Variants in EVI5 observed in about 807,000 individuals in gnomAD.
EVI5 encodes ecotropic viral integration site 5 protein homolog.
A neutral mutation model predicts 112.0 loss-of-function variants in EVI5; 73 were observed. That is an observed-to-expected ratio of 0.65 (90% confidence interval 0.54 to 0.79). The LOEUF (loss-of-function observed/expected upper bound fraction) is 0.79. Among genes scored for constraint, EVI5 ranks in the 30% least tolerant of loss-of-function variants. The probability of loss-of-function intolerance (pLI) is 0.00; values close to 1 mark genes in which losing one functional copy is unlikely to be tolerated. For synonymous variants in EVI5, 305 were observed against 319.9 expected, an observed-to-expected ratio of 0.95 and a Z score of 0.50; for missense variants, 900 against 968.8, an observed-to-expected ratio of 0.93 and a Z score of 0.94.
Position 92,563,745 on chromosome 1 carries a change from G to C in EVI5, c.2071-8C>G. ...AAGCTTTCCTTCTTCTTTCTGTTTTGTGACAAAACAACAAAGCAAAAACAA... is the reference window on the plus strand; with the variant it reads ...AAGCTTTCCTTCTTCTTTCTGTTTTCTGACAAAACAACAAAGCAAAAACAA... On this transcript the variant is annotated splice_region_variant and splice_polypyrimidine_tract_variant and intron_variant, in intron 18 of 19. Coordinates refer to ENST00000684568, the MANE Select transcript of EVI5 (RefSeq NM_001350197.2). 1 of 1,582,564 alleles carries C rather than the reference G, an allele frequency of 6.3e-7. No individual in the cohort carries two copies. Among genetic ancestry groups the C allele is most frequent in the Non-Finnish European group, 8.6e-7 (1 of 1,156,336 alleles).
At position 92,607,661 on chromosome 1, in the gene EVI5, G is replaced by T; in HGVS notation, c.1894C>A (p.Gln632Lys). The change falls in exon 17 of 20, where the codon CAG (glutamine) becomes AAG (lysine). Residue 632 changes from glutamine to lysine, a missense_variant. Physicochemically the swap from Gln to Lys is moderately conservative, Grantham distance 53. Coordinates refer to ENST00000684568, the MANE Select transcript of EVI5 (RefSeq NM_001350197.2). ...CCTTTGTTCTGTGCAGAAAGATACT[G>T]CACTTTCTCCTGTAGGCTAATCACC... ...QEVISLQEKV[Q>K]YLSAQNKGLL... 1 of 1,604,876 alleles carries T rather than the reference G, an allele frequency of 6.2e-7. No individual in the cohort carries two copies. Among genetic ancestry groups the T allele is most frequent in the Non-Finnish European group, 8.5e-7 (1 of 1,174,754 alleles).
At chr1:92,698,375 T>C (rs1570427182) in intron 5 of EVI5, among the ~76,000 whole-genome samples, 1 of 152,080 alleles carries the variant, frequency 6.6e-6, no homozygotes. Context: ...TCAACTAATA[T>C]ATATGTCAGA....
At chr1:92,698,899 G>T (rs955626745) in intron 5 of EVI5, among the ~76,000 whole-genome samples, 1 of 152,168 alleles carries the variant, frequency 6.6e-6, no homozygotes, top group African/African-American at 2.4e-5. Context: ...GAATGTGAAA[G>T]CTCTGTAAAG....
chr1:92,661,063 A>G (rs545385964), intron 13 of EVI5, among the ~76,000 whole-genome samples: 2 of 152,154 alleles, frequency 1.3e-5, no homozygotes, highest in African/African-American at 2.4e-5. Flanking sequence ...ACAAGATCAC[A>G]TAGTTGGCAA....
intron 19 of EVI5, among the ~76,000 whole-genome samples, chr1:92,550,806 A>ATATATATATATG (rs1666765168): frequency 9.0e-6 from 1 of 110,794 alleles, no homozygotes; most frequent in Admixed American, 9.7e-5. Flanking sequence ...ATATATATAT[A>ATATATATATATG]TATATATAAC....
chr1:92,733,681 G>A (rs925526528), intron 2 of EVI5, among the ~76,000 whole-genome samples: 1 of 151,842 alleles, frequency 6.6e-6, no homozygotes, highest in Non-Finnish European at 1.5e-5. Context: ...CAAAGTACTG[G>A]GATTACAGGC....
chr1:92,745,602 T>A (rs909355740), intron 1 of EVI5, among the ~76,000 whole-genome samples: 2 of 152,010 alleles, frequency 1.3e-5, no homozygotes, highest in Admixed American at 6.6e-5. Context: ...TCACTTGAGA[T>A]CAAGAATTCA....
intron 18 of EVI5, among the ~76,000 whole-genome samples, chr1:92,602,859 A>G (rs1345891472): frequency 6.6e-6 from 1 of 152,208 alleles, no homozygotes; most frequent in Non-Finnish European, 1.5e-5. Context: ...ACGTTGATTC[A>G]GCAAAATTAA....
Position 92,663,451 on chromosome 1 carries a change from T to TC in EVI5, c.1213dup (p.Glu405GlyfsTer8). On this transcript the variant is annotated frameshift_variant and splice_region_variant, in exon 12 of 20. Coordinates refer to ENST00000684568, the MANE Select transcript of EVI5 (RefSeq NM_001350197.2). LOFTEE classifies it high-confidence loss of function. ...CAATCTATCTGCCAAGGAAGCACTT[T>TC]CCTACAAAAGGAAAAATTCAGATAG... 1 of 1,418,252 alleles carries TC rather than the reference T, an allele frequency of 7.1e-7. No homozygotes were observed. The highest frequency in any genetic ancestry group is 1.4e-5 in the South Asian group (1 of 72,324). The allele number at this position is 1,418,252 out of a possible 1,614,324, so 87.9% of individuals were successfully genotyped here.
intron 19 of EVI5, among the ~76,000 whole-genome samples, chr1:92,549,778 G>A (rs1181890289): frequency 6.6e-6 from 1 of 152,194 alleles, no homozygotes; most frequent in East Asian, 1.9e-4. Context: ...TCAGAGAAAT[G>A]CAAATCAAAA....
At chr1:92,790,792 G>A (rs552624601) in intron 1 of EVI5, among the ~76,000 whole-genome samples, 1 of 149,752 alleles carries the variant, frequency 6.7e-6, no homozygotes, top group African/African-American at 2.5e-5. Flanking sequence ...GCACTGCACT[G>A]CACCCTGGGC....
At chr1:92,560,845 A>C (rs2100865152) in intron 19 of EVI5, among the ~76,000 whole-genome samples, 1 of 150,198 alleles carries the variant, frequency 6.7e-6, no homozygotes, top group Admixed American at 6.6e-5. Flanking sequence ...GATTACAGGC[A>C]TGAGCCATTG....
At chr1:92,618,766 G>C (rs917754721) in intron 16 of EVI5, among the ~76,000 whole-genome samples, 1 of 152,234 alleles carries the variant, frequency 6.6e-6, no homozygotes, top group African/African-American at 2.4e-5. Context: ...ACCAGCTGCA[G>C]AAACAAGGAC....
chr1:92,792,243 G>T, intron 1 of EVI5: 2 of 752,894 alleles, frequency 2.7e-6, no homozygotes, highest in Non-Finnish European at 4.5e-6. Flanking sequence ...AAGATTAAGC[G>T]AAATATACAA....
At chr1:92,658,375 G>T (rs1024213042) in intron 13 of EVI5, among the ~76,000 whole-genome samples, 6 of 152,068 alleles carry the variant, frequency 3.9e-5, no homozygotes, top group African/African-American at 1.4e-4. Flanking sequence ...TTTGATAAAA[G>T]AATTCATTAA....
chr1:92,609,362 A>G (rs966457348), intron 16 of EVI5, among the ~76,000 whole-genome samples: 1 of 151,676 alleles, frequency 6.6e-6, no homozygotes, highest in Non-Finnish European at 1.5e-5. Context: ...ATGTAATTTC[A>G]TTTCATTTTT....
chr1:92,686,332 T>C lies in EVI5; in HGVS notation c.1097+7470A>G, dbSNP rs553964934. Among the ~76,000 whole-genome samples, 55 of 152,272 alleles carry C rather than the reference T, an allele frequency of 3.6e-4. 1 individual carries two copies. The highest frequency in any genetic ancestry group is 1.2e-3 in the African/African-American group (50 of 41,562). On this transcript the variant is annotated intron_variant, in intron 9 of 19. Coordinates refer to ENST00000684568, the MANE Select transcript of EVI5 (RefSeq NM_001350197.2). ...TCTCAATAGATGCAGAAAAGGCCTTTGACAAAAGTCAACAGCCTTCATGCT... is the reference window on the plus strand; with the variant it reads ...TCTCAATAGATGCAGAAAAGGCCTTCGACAAAAGTCAACAGCCTTCATGCT...
intron 18 of EVI5, among the ~76,000 whole-genome samples, chr1:92,571,243 A>G (rs998909112): frequency 6.7e-6 from 1 of 148,182 alleles, no homozygotes; most frequent in Admixed American, 6.8e-5. Flanking sequence ...AAACTGAGGA[A>G]AGAGAAAGGG....
intron 18 of EVI5, among the ~76,000 whole-genome samples, chr1:92,581,402 T>C (rs1671906642): frequency 6.6e-6 from 1 of 152,242 alleles, no homozygotes; most frequent in African/African-American, 2.4e-5. Flanking sequence ...GTGTCACTTT[T>C]CTGATCTCTT....
Sources: allele counts gnomAD v4.1 joint callset (sites outside exome capture counted in the v4.1 genomes callset), GRCh38; gene constraint gnomAD v4.1.1; transcripts MANE v1.5; gene names NCBI Gene and HGNC (gene_info 2026-07-23, HGNC 2026-07-21).